TRAP1: variants seen among roughly 807,000 people sequenced by gnomAD.
The protein encoded by TRAP1 is TNF receptor associated protein 1.
In TRAP1, 102 loss-of-function variants were observed where a neutral mutation model predicts 89.1. The observed-to-expected ratio is 1.15, with a 90% CI of 0.98 to 1.35. TRAP1 has a LOEUF of 1.35. TRAP1 is among the 40% of genes most tolerant of loss of function. The pLI is 0.00. For synonymous variants in TRAP1, 508 were observed against 388.0 expected, an observed-to-expected ratio of 1.31 and a Z score of -3.64; for missense variants, 1,256 against 945.3, an observed-to-expected ratio of 1.33 and a Z score of -4.31.
Position 3,681,377 on chromosome 16 carries a change from G to A in TRAP1, c.472-1587C>T, listed in dbSNP as rs963124927. Among the ~76,000 whole-genome samples, 9 of 152,316 alleles carry A rather than the reference G, an allele frequency of 5.9e-5. No homozygotes were observed. In the East Asian group the frequency reaches 1.4e-3, roughly 23 times the overall value. ...GCAAATAATCCACAGCAAGCAGCAG[G>A]CCAGGGAGACTGGCCAGCTGTCAGC... On this transcript the variant is annotated intron_variant, in intron 4 of 17. Transcript: ENST00000246957.
At chr16:3,716,425 G>A (rs956182618) in intron 1 of TRAP1, among the ~76,000 whole-genome samples, 1 of 152,142 alleles carries the variant, frequency 6.6e-6, no homozygotes, top group Non-Finnish European at 1.5e-5. Flanking sequence ...GTAATAAAAA[G>A]TAAAACCTGA....
chr16:3,683,085 C>T (rs1196040998), intron 4 of TRAP1, among the ~76,000 whole-genome samples: 1 of 151,740 alleles, frequency 6.6e-6, no homozygotes, highest in Non-Finnish European at 1.5e-5. Context: ...AAGAGAATTG[C>T]TTGAACCCGG....
chr16:3,705,849 T>A (rs918675986), intron 1 of TRAP1, among the ~76,000 whole-genome samples: 2 of 150,918 alleles, frequency 1.3e-5, no homozygotes, highest in Middle Eastern at 6.8e-3. Flanking sequence ...CCGGCTAATT[T>A]TATATATATA....
At chr16:3,705,505 C>A (rs946450681) in intron 1 of TRAP1, among the ~76,000 whole-genome samples, 5 of 152,202 alleles carry the variant, frequency 3.3e-5, no homozygotes, top group Non-Finnish European at 7.4e-5. Context: ...GGGCACTTCA[C>A]AGAAATGAAA....
intron 1 of TRAP1, among the ~76,000 whole-genome samples, chr16:3,704,640 C>T (rs2051414793): frequency 6.6e-6 from 1 of 151,834 alleles, no homozygotes; most frequent in South Asian, 2.1e-4. Context: ...CTCCCTCGAG[C>T]TCAGGAGCTC....
chr16:3,663,929 G>A lies in TRAP1; in HGVS notation c.1569+345C>T, dbSNP rs948531425. The A allele has an allele frequency of 1.1e-5, 4 of 357,936 alleles. No individual in the cohort carries two copies. The East Asian group carries it at 2.3e-4, about 21-fold the overall frequency. The allele number at this position is 357,936 out of a possible 1,614,324, so 22.2% of individuals were successfully genotyped here. ...AATACAAAAATTTGCTGGGTGTGGT[G>A]GTGTGCACCTGTAGTCCCAGCTACT... On this transcript the variant is annotated intron_variant, in intron 13 of 17. Transcript: ENST00000246957.
At chr16:3,691,148 G>T (rs1417522436) in intron 1 of TRAP1, 163 bp from the exon 2 acceptor site, 2 of 590,290 alleles carry the variant, frequency 3.4e-6, no homozygotes, top group South Asian at 3.7e-5. Flanking sequence ...CAGTGTCAGG[G>T]TGTGGTTTTG....
At chr16:3,672,993 G>A (rs532515551) in intron 9 of TRAP1, among the ~76,000 whole-genome samples, 173 bp from the exon 10 acceptor site, 1 of 152,264 alleles carries the variant, frequency 6.6e-6, no homozygotes, top group East Asian at 1.9e-4. Context: ...CCACACTGTG[G>A]CTCTGCAGGG....
intron 1 of TRAP1, among the ~76,000 whole-genome samples, chr16:3,691,441 G>A (rs556999088): frequency 6.6e-6 from 1 of 152,216 alleles, no homozygotes; most frequent in East Asian, 1.9e-4. Context: ...GACTGGTCTC[G>A]AACTCCTGGG....
intron 1 of TRAP1, among the ~76,000 whole-genome samples, chr16:3,713,698 T>C (rs773921881): frequency 1.3e-5 from 2 of 152,252 alleles, no homozygotes; most frequent in Non-Finnish European, 2.9e-5. Context: ...TCACCGTACC[T>C]GCCTGACCAC....
At chr16:3,683,464 C>T (rs1344185751) in intron 4 of TRAP1, among the ~76,000 whole-genome samples, 2 of 151,146 alleles carry the variant, frequency 1.3e-5, no homozygotes, top group African/African-American at 4.9e-5. Context: ...CAGCTCACCA[C>T]AACCTCCGCC....
At chr16:3,685,683 A>G (rs2051129572) in intron 4 of TRAP1, among the ~76,000 whole-genome samples, 2 of 152,224 alleles carry the variant, frequency 1.3e-5, no homozygotes, top group South Asian at 4.1e-4. Context: ...AAAAGAGTAC[A>G]TTAAAAATAA....
chr16:3,685,882 C>T, intron 4 of TRAP1, 114 bp downstream of exon 4: 8 of 1,296,124 alleles, frequency 6.2e-6, no homozygotes, highest in Non-Finnish European at 8.5e-6. Flanking sequence ...CCAGAGTTAT[C>T]CTGGTGGTAC....
intron 1 of TRAP1, among the ~76,000 whole-genome samples, chr16:3,697,392 C>T (rs1356095789): frequency 2.0e-5 from 3 of 151,922 alleles, no homozygotes; most frequent in Non-Finnish European, 4.4e-5. Context: ...TCGCCAGGAG[C>T]GGTGGCTCAC....
intron 12 of TRAP1, 22 bp downstream of exon 12, chr16:3,665,949 G>A: frequency 3.7e-6 from 6 of 1,603,058 alleles, no homozygotes; most frequent in Non-Finnish European, 5.1e-6. Flanking sequence ...CCAGAAAAAG[G>A]CCTGGAACAC....
intron 1 of TRAP1, among the ~76,000 whole-genome samples, chr16:3,710,873 A>AT (rs199927286): frequency 3.0e-4 from 32 of 106,062 alleles, no homozygotes; most frequent in East Asian, 9.2e-4. Flanking sequence ...ATATATATAT[A>AT]TATATATTTT....
chr16:3,708,885 G>A (rs956482240), intron 1 of TRAP1, among the ~76,000 whole-genome samples: 37 of 148,862 alleles, frequency 2.5e-4, no homozygotes, highest in African/African-American at 4.4e-4. Flanking sequence ...GTGCGATCGC[G>A]GCTCACTGCA....
At chr16:3,663,313 G>T in intron 14 of TRAP1, 111 bp downstream of exon 14, 1 of 1,437,782 alleles carries the variant, frequency 7.0e-7, no homozygotes, top group Non-Finnish European at 9.4e-7. Flanking sequence ...CTCGGGGGTG[G>T]CTGAGCCCAG....
chr16:3,679,322 AAAAC>A (rs1194262604), intron 5 of TRAP1, among the ~76,000 whole-genome samples: 2 of 152,298 alleles, frequency 1.3e-5, no homozygotes, highest in Middle Eastern at 3.4e-3. Flanking sequence ...AAAAAAATAA[AAAAC>A]AACACAATGA....
Sources: gnomAD v4.1 joint callset for allele counts (sites outside exome capture counted in the v4.1 genomes callset) on GRCh38, gnomAD v4.1.1 for gene constraint, MANE v1.5 for transcripts, NCBI Gene and HGNC (gene_info 2026-07-23, HGNC 2026-07-21) for gene names.